The following RAB5IF variants were observed in gnomAD, a reference collection of about 807,000 sequenced individuals.
RAB5IF encodes the protein GEL complex subunit OPTI.
RAB5IF carries 15 observed loss-of-function variants against 20.3 expected under a neutral mutation model. That is an observed-to-expected ratio of 0.74 (90% confidence interval 0.50 to 1.14). RAB5IF has a LOEUF of 1.14. Among genes scored for constraint, RAB5IF ranks in the 50% most tolerant of loss-of-function variants. RAB5IF has a pLI of 0.00. For synonymous variants in RAB5IF, 67 were observed against 63.7 expected, an observed-to-expected ratio of 1.05 and a Z score of -0.25; for missense variants, 148 against 159.5, an observed-to-expected ratio of 0.93 and a Z score of 0.39.
intron 2 of RAB5IF, 52 bp from the exon 3 acceptor site, chr20:36,609,549 G>C: frequency 5.9e-6 from 9 of 1,525,374 alleles, no homozygotes; most frequent in Non-Finnish European, 7.9e-6. Flanking sequence ...CCCGAGTTCT[G>C]AGTCTTCTAA....
intron 2 of RAB5IF, among the ~76,000 whole-genome samples, chr20:36,609,236 CACACACACACACACACACACTA>C (rs1568595699): frequency 6.1e-5 from 8 of 131,710 alleles, no homozygotes; most frequent in African/African-American, 2.2e-4. Flanking sequence ...CACACACACA[CACACACACACACACACACACTA>C]TATATAGAGT....
intron 3 of RAB5IF, among the ~76,000 whole-genome samples, chr20:36,610,699 C>CAAA (rs992492791): frequency 3.9e-5 from 3 of 75,992 alleles, no homozygotes; most frequent in South Asian, 4.3e-4. Context: ...GACTCCGTCT[C>CAAA]AAAAAAAAAA....
Position 36,612,012 on chromosome 20 carries a change from C to T in RAB5IF, c.351C>T (p.Val117=). ...AACAGTGCTTGTCTCCTCACTAGGT[C>T]ATTTGGATCATCTTTTACACTGCCA... ...GFMTSFALFM[V]IWIIFYTAIH... is the part of the protein sequence containing the mutation. The change falls in exon 4 of 4, where the codon GTC becomes GTT. Residue 117 remains valine, a splice_region_variant and synonymous_variant. Transcript: ENST00000344795. The T allele has an allele frequency of 6.2e-7, 1 of 1,614,124 alleles. No homozygotes were observed. The highest frequency in any genetic ancestry group is 1.1e-5 in the South Asian group (1 of 91,068).
Position 36,605,782 on chromosome 20 carries a change from G to C in RAB5IF, c.-170G>C. 2.5e-6 allele frequency: 1 copy of C among 394,862 alleles called. No homozygotes were observed. The highest frequency in any genetic ancestry group is 9.3e-5 in the South Asian group (1 of 10,780). The allele number at this position is 394,862 out of a possible 1,614,324, so 24.5% of individuals were successfully genotyped here. A position where few individuals can be genotyped will look rare whatever the true frequency, so the allele number is the denominator to read the frequency against. On this transcript the variant is annotated 5_prime_UTR_variant, in exon 1 of 4. Transcript: ENST00000344795. Reference sequence around the variant, plus strand: ...CTCCCTTCGCGGCGCCTGCTCTGTAGAGCCGGCGGAACCGGGTAGCTTGGC... The same window carrying C: ...CTCCCTTCGCGGCGCCTGCTCTGTACAGCCGGCGGAACCGGGTAGCTTGGC...
At chr20:36,608,198 G>A (rs6071671) in intron 2 of RAB5IF, 293,407 of 329,866 alleles carry the variant, frequency 0.89, 131,074 homozygotes, top group African/African-American at 0.94. Flanking sequence ...TCCTGGCACA[G>A]TGCTTAATGT....
rs2039144722 is a variant in RAB5IF, at chr20:36,612,316, T to G, written c.*265T>G. On this transcript the variant is annotated 3_prime_UTR_variant, in exon 4 of 4. Transcript: ENST00000344795. ...TTGGATACCATCAAGTAACAGCTAT[T>G]ATTTGCCAAGTGGAGCTGTCATTTA... 1 of 1,210,394 alleles carries G rather than the reference T, an allele frequency of 8.3e-7. No individual in the cohort carries two copies. The highest frequency in any genetic ancestry group is 1.2e-6 in the Non-Finnish European group (1 of 821,976). 75.0% of individuals were successfully genotyped at this position (1,210,394 alleles called of 1,614,324 possible).
intron 2 of RAB5IF, among the ~76,000 whole-genome samples, chr20:36,609,174 C>CACACACACACACACACACACACAT (rs2039018520): frequency 4.2e-5 from 1 of 23,730 alleles, no homozygotes; most frequent in Non-Finnish European, 8.2e-5. Flanking sequence ...CACACACACA[C>CACACACACACACACACACACACAT]ACACACACAC....
Position 36,605,924 on chromosome 20 carries a change from GGCCCGGCCCGGGC to G in RAB5IF, c.-26_-14del. ...CCTTTGGCTCAGCCCGCGCGCCCCA[GGCCCGGCCCGGGC>G]GGCGCGACGGGAGGATGAGCGGCGG... On this transcript the variant is annotated 5_prime_UTR_variant, in exon 1 of 4. Transcript: ENST00000344795. 6.9e-7 allele frequency: 1 copy of G among 1,447,494 alleles called. No individual in the cohort carries two copies. The highest frequency in any genetic ancestry group is 9.2e-7 in the Non-Finnish European group (1 of 1,085,632). The allele number at this position is 1,447,494 out of a possible 1,614,324, so 89.7% of individuals were successfully genotyped here. A position where few individuals can be genotyped will look rare whatever the true frequency, so the allele number is the denominator to read the frequency against.
chr20:36,609,192 C>CT (rs1568595444), intron 2 of RAB5IF, among the ~76,000 whole-genome samples: 1 of 52,234 alleles, frequency 1.9e-5, no homozygotes, highest in Admixed American at 1.9e-4. Flanking sequence ...CACACACACA[C>CT]ACGCACACAC....
chr20:36,611,989 C>T, intron 3 of RAB5IF, 21 bp from the exon 4 acceptor site: 1 of 1,613,804 alleles, frequency 6.2e-7, no homozygotes, highest in Non-Finnish European at 8.5e-7. Flanking sequence ...GACCTATGAA[C>T]AGTGCTTGTC....
intron 2 of RAB5IF, among the ~76,000 whole-genome samples, chr20:36,608,854 C>T (rs1433302254): frequency 1.3e-5 from 2 of 151,922 alleles, no homozygotes; most frequent in Admixed American, 1.3e-4. Flanking sequence ...CATGAGCCAC[C>T]ATGCCCGGCT....
At chr20:36,607,023 G>A (rs1236674737) in intron 1 of RAB5IF, among the ~76,000 whole-genome samples, 2 of 152,134 alleles carry the variant, frequency 1.3e-5, no homozygotes, top group East Asian at 1.9e-4. Flanking sequence ...TCTTGTATAA[G>A]GACTGGTTTC....
chr20:36,606,154 G>A (rs1345743081), intron 1 of RAB5IF, 89 bp downstream of exon 1: 5 of 822,730 alleles, frequency 6.1e-6, no homozygotes, highest in South Asian at 4.9e-5. Flanking sequence ...CCTCGTCCTC[G>A]TTCCGGCACA....
intron 2 of RAB5IF, among the ~76,000 whole-genome samples, chr20:36,609,197 AC>A (rs2039027889): frequency 1.8e-5 from 1 of 54,582 alleles, no homozygotes; most frequent in Non-Finnish European, 3.4e-5. Flanking sequence ...ACACACACGC[AC>A]ACACGCACAC....
Position 36,609,236 on chromosome 20 carries a change from C to T in RAB5IF, c.219-365C>T, listed in dbSNP as rs1269854301. 8.8e-3 allele frequency among the ~76,000 whole-genome samples: 1,154 copies of T among 131,564 alleles called. 40 individuals carry two copies. Among genetic ancestry groups the T allele is most frequent in the African/African-American group, 0.035 (1,091 of 31,176 alleles). The allele number at this position is 131,564 out of a possible 152,430, so 86.3% of individuals were successfully genotyped here. On this transcript the variant is annotated intron_variant, in intron 2 of 3. Transcript: ENST00000344795. ...GCACACACGCACACACACACACACA[C>T]ACACACACACACACACACACTATAT...
chr20:36,610,831 G>A (rs1336469333), intron 3 of RAB5IF, among the ~76,000 whole-genome samples: 1 of 152,194 alleles, frequency 6.6e-6, no homozygotes, highest in Non-Finnish European at 1.5e-5. Flanking sequence ...AATCTCCACA[G>A]TGAGCAAAGC....
At chr20:36,609,455 G>A in intron 2 of RAB5IF, 146 bp from the exon 3 acceptor site, 3 of 1,166,896 alleles carry the variant, frequency 2.6e-6, no homozygotes, top group South Asian at 1.7e-5. Context: ...GGCTAGGCTG[G>A]TCTTGAACTC....
chr20:36,607,915 G>C lies in RAB5IF; in HGVS notation c.218+97G>C, dbSNP rs774617274. The C allele has an allele frequency of 1.5e-5, 21 of 1,443,938 alleles. 1 individual carries two copies. In the South Asian group the frequency reaches 2.4e-4, roughly 16 times the overall value. 89.4% of individuals were successfully genotyped at this position (1,443,938 alleles called of 1,614,324 possible). On this transcript the variant is annotated intron_variant, in intron 2 of 3. Transcript: ENST00000344795. ...GAAAGGCCATTGCTGCTCTGGAGCT[G>C]TGTGTGTGTGTGATGACTAAAGCAA...
chr20:36,607,253 A>G (rs1242311753), intron 1 of RAB5IF, among the ~76,000 whole-genome samples: 1 of 149,498 alleles, frequency 6.7e-6, no homozygotes, highest in African/African-American at 2.5e-5. Flanking sequence ...TGATGTCTAA[A>G]TGTATCTTTT....
Sources: gnomAD v4.1 joint callset for allele counts (sites outside exome capture counted in the v4.1 genomes callset) on GRCh38, gnomAD v4.1.1 for gene constraint, MANE v1.5 for transcripts, NCBI Gene and HGNC (gene_info 2026-07-23, HGNC 2026-07-21) for gene names.